MYO1H: variants seen among roughly 807,000 people sequenced by gnomAD.
MYO1H encodes the protein unconventional myosin-Ih.
MYO1H carries 118 observed loss-of-function variants against 149.3 expected under a neutral mutation model. The observed-to-expected ratio is 0.79, with a 90% confidence interval of 0.68 to 0.92. The LOEUF (loss-of-function observed/expected upper bound fraction) is 0.92, where lower values mean the gene tolerates loss of function less well. Among genes scored for constraint, MYO1H ranks in the 40% least tolerant of loss-of-function variants. The probability of loss-of-function intolerance (pLI) is 0.00; values close to 1 mark genes in which losing one functional copy is unlikely to be tolerated. For missense variants in MYO1H, 1,212 were observed against 1,280.7 expected (o/e 0.95, Z 0.82); for synonymous variants, 447 against 465.2 (o/e 0.96, Z 0.50).
chr12:109,317,845 G>A, the MYO1H span, among the ~76,000 whole-genome samples: 1 of 152,178 alleles, frequency 6.6e-6, no homozygotes, highest in South Asian at 2.1e-4. Context: ...GTCTTGAGAG[G>A]ATGCTTGTAA....
chr12:109,396,554 G>A (rs899877478), exon 4 of MYO1H: 1 of 1,613,304 alleles, frequency 6.2e-7, no homozygotes, highest in Non-Finnish European at 8.5e-7. Flanking sequence ...GCCCGTGACA[G>A]ACTGCTGTTC....
chr12:109,426,801 G>A (rs1871367010), intron 18 of MYO1H, among the ~76,000 whole-genome samples: 1 of 152,126 alleles, frequency 6.6e-6, no homozygotes, highest in East Asian at 1.9e-4. Flanking sequence ...AGGCTAGGCA[G>A]GAAAAGCAAA....
the MYO1H span, among the ~76,000 whole-genome samples, chr12:109,324,119 T>G: frequency 6.6e-6 from 1 of 152,112 alleles, no homozygotes; most frequent in Admixed American, 6.5e-5. Context: ...GACTTGATAG[T>G]TGATCTCAAG....
At chr12:109,397,919 T>C (rs1301979311) in intron 5 of MYO1H, 107 bp downstream of exon 5, 1 of 719,250 alleles carries the variant, frequency 1.4e-6, no homozygotes, top group Admixed American at 3.5e-5. Context: ...TGGCTCAAGC[T>C]ATTTAAAAAA....
At chr12:109,349,979 ATATTAT>A (rs1224780125) in intron 1 of MYO1H, among the ~76,000 whole-genome samples, 1 of 144,788 alleles carries the variant, frequency 6.9e-6, no homozygotes, top group Non-Finnish European at 1.5e-5. Flanking sequence ...AAAAAAGTTA[ATATTAT>A]TATTATATTA....
In MYO1H at chr12:109,427,909, AATATAT is replaced by A. The variant is rs1555254297; in HGVS notation, c.1949+346_1949+351del. On this transcript the variant is annotated intron_variant, in intron 19 of 31. Coordinates refer to ENST00000310903, the Ensembl canonical transcript of MYO1H. ...AAAAAAAAAAAAAAAAAAAAAAAAAAATATATATATATATATATATATATATATTAG... is the reference window on the plus strand; with the variant it reads ...AAAAAAAAAAAAAAAAAAAAAAAAAAATATATATATATATATATATATTAG... Among the ~76,000 whole-genome samples, 80 of 16,410 alleles carry A rather than the reference AATATAT, an allele frequency of 4.9e-3. 1 individual carries two copies. The highest frequency in any genetic ancestry group is 0.018 in the African/African-American group (57 of 3,206). 10.8% of individuals were successfully genotyped at this position (16,410 alleles called of 152,430 possible). A position where few individuals can be genotyped will look rare whatever the true frequency, so the allele number is the denominator to read the frequency against.
chr12:109,324,220 C>T, the MYO1H span, among the ~76,000 whole-genome samples: 11 of 152,170 alleles, frequency 7.2e-5, no homozygotes, highest in Admixed American at 7.2e-4. Flanking sequence ...GGTGGCCTTT[C>T]CATGCGCTGG....
At chr12:109,421,061 TTATTTTGAAATATTACCCATGA>T in intron 16 of MYO1H, 34 bp downstream of exon 16, 1 of 1,428,114 alleles carries the variant, frequency 7.0e-7, no homozygotes, top group Non-Finnish European at 9.7e-7. Context: ...GTGTTTCTGA[TTATTTTGAAATATTACCCATGA>T]TAGTGATTTT....
chr12:109,444,507 A>T, exon 30 of MYO1H: 2 of 1,613,888 alleles, frequency 1.2e-6, no homozygotes, highest in East Asian at 4.5e-5. Flanking sequence ...GAAGGAGAAC[A>T]TTGTCAATGT....
chr12:109,323,529 T>C, the MYO1H span, among the ~76,000 whole-genome samples: 1 of 152,178 alleles, frequency 6.6e-6, no homozygotes. Flanking sequence ...CTCACTTAGG[T>C]CCCTTGAGGA....
At chr12:109,388,433 A>G (rs1183552572) in intron 1 of MYO1H, among the ~76,000 whole-genome samples, 1 of 152,222 alleles carries the variant, frequency 6.6e-6, no homozygotes, top group Non-Finnish European at 1.5e-5. Flanking sequence ...CAAATGAAAC[A>G]GTATAAGTCA....
chr12:109,406,741 A>G, intron 8 of MYO1H, 48 bp from the exon 9 acceptor site: 1 of 1,567,990 alleles, frequency 6.4e-7, no homozygotes, highest in Non-Finnish European at 8.8e-7. Context: ...ATAAAAAGCA[A>G]GTAAAACTGC....
At chr12:109,444,375 GTC>G in intron 29 of MYO1H, 55 bp from the exon 30 acceptor site, 1 of 1,573,096 alleles carries the variant, frequency 6.4e-7, no homozygotes, top group Non-Finnish European at 8.8e-7. Flanking sequence ...CTATTGGAGT[GTC>G]TGTTTCTTTA....
rs184649457 is a variant in MYO1H at position 109,380,105 on chromosome 12, C to T, written c.13-8578C>T. On this transcript the variant is annotated intron_variant, in intron 1 of 31. Transcript: ENST00000310903. ...AGATACGGTCTCGCTTTGTTGCCCACGCTGGTTTCAAACTCCTGGCCTCGA... is the reference window on the plus strand; with the variant it reads ...AGATACGGTCTCGCTTTGTTGCCCATGCTGGTTTCAAACTCCTGGCCTCGA... Among the ~76,000 whole-genome samples the T allele has an allele frequency of 1.1e-3, 172 of 152,030 alleles. 1 individual carries two copies. The highest frequency in any genetic ancestry group is 3.4e-3 in the African/African-American group (142 of 41,442).
At chr12:109,396,535 C>G in exon 4 of MYO1H, 1 of 1,613,884 alleles carries the variant, frequency 6.2e-7, no homozygotes, top group Non-Finnish European at 8.5e-7. Flanking sequence ...GACCCAGTCA[C>G]TACAAATAGC....
intron 15 of MYO1H, among the ~76,000 whole-genome samples, chr12:109,418,653 A>G (rs1871034253): frequency 6.6e-6 from 1 of 151,990 alleles, no homozygotes; most frequent in East Asian, 1.9e-4. Context: ...GGTTTGCACC[A>G]TTCTCCTGCC....
chr12:109,435,297 C>T (rs1871812636), intron 21 of MYO1H, among the ~76,000 whole-genome samples, 184 bp downstream of exon 21: 1 of 152,004 alleles, frequency 6.6e-6, no homozygotes. Flanking sequence ...GCTTGGAGGT[C>T]AGTCACAGAT....
chr12:109,331,385 C>A, the MYO1H span, among the ~76,000 whole-genome samples: 14 of 147,366 alleles, frequency 9.5e-5, no homozygotes, highest in East Asian at 2.9e-3. Context: ...TTTCCAAGGC[C>A]TTTTGGGGAC....
chr12:109,342,151 G>T, the MYO1H span, among the ~76,000 whole-genome samples: 1 of 129,084 alleles, frequency 7.7e-6, no homozygotes, highest in African/African-American at 3.3e-5. Context: ...TTGAGACAGA[G>T]TCTCAAAAAA....
Sources: allele counts gnomAD v4.1 joint callset (sites outside exome capture counted in the v4.1 genomes callset), GRCh38; gene constraint gnomAD v4.1.1; transcripts MANE v1.5; gene names NCBI Gene and HGNC (gene_info 2026-07-23, HGNC 2026-07-21).